DHX57: variants seen among roughly 807,000 people sequenced by gnomAD.
The protein encoded by DHX57 is DExH-box helicase 57.
DHX57 carries 105 observed loss-of-function variants against 156.2 expected under a neutral mutation model. The ratio of observed to expected loss-of-function variants is 0.67; its 90% CI spans 0.57 to 0.79. The LOEUF (loss-of-function observed/expected upper bound fraction) is 0.79. Among genes scored for constraint, DHX57 ranks in the 30% least tolerant of loss-of-function variants. The pLI, the probability that DHX57 is intolerant of heterozygous loss-of-function variation, is 0.00. For synonymous variants in DHX57, 704 were observed against 595.6 expected (o/e 1.18, Z -2.65); for missense variants, 1,847 against 1,661.9 (o/e 1.11, Z -1.94).
At chr2:38,852,934 T>C (rs1672680191) in intron 9 of DHX57, 1 of 154,042 alleles carries the variant, frequency 6.5e-6, no homozygotes, top group South Asian at 2.0e-4. Context: ...ACACAGCAGG[T>C]GCACTGGGCT....
chr2:38,804,345 C>A (rs868269423), intron 22 of DHX57, among the ~76,000 whole-genome samples: 10 of 152,154 alleles, frequency 6.6e-5, no homozygotes, highest in African/African-American at 2.4e-4. Context: ...CAAAAATTAG[C>A]TGGGAGCGAT....
At position 38,855,141 on chromosome 2, in the gene DHX57, G is replaced by T. The variant is rs1257293556; in HGVS notation, c.1821C>A (p.Ile607=). The T allele has an allele frequency of 6.2e-7, 1 of 1,614,112 alleles. No individual in the cohort carries two copies. Among genetic ancestry groups the T allele is most frequent in the Non-Finnish European group, 8.5e-7 (1 of 1,180,026 alleles). ...ICTQPRRISA[I]SVAERVAKER... is the part of the protein sequence containing the mutation. Reference sequence around the variant, plus strand: ...CTTTAGCAACGCGTTCAGCAACAGAGATTGCAGAGATTCGTCGGGGTTGGG... The same window carrying T: ...CTTTAGCAACGCGTTCAGCAACAGATATTGCAGAGATTCGTCGGGGTTGGG... Residue 607 remains isoleucine (I), a synonymous_variant, in exon 8 of 24, where the codon ATC becomes ATA. Coordinates refer to ENST00000457308, the MANE Select transcript of DHX57 (RefSeq NM_198963.3).
chr2:38,874,478 C>G (rs1292953610), intron 1 of DHX57, among the ~76,000 whole-genome samples: 1 of 143,094 alleles, frequency 7.0e-6, no homozygotes, highest in Non-Finnish European at 1.5e-5. Context: ...GGCGCAGTCT[C>G]AGCTCACTGC....
Position 38,813,822 on chromosome 2 carries a change from T to C in DHX57, c.3680A>G (p.Gln1227Arg). The C allele has an allele frequency of 6.2e-7, 1 of 1,613,574 alleles. No individual in the cohort carries two copies. The highest frequency in any genetic ancestry group is 1.3e-5 in the African/African-American group (1 of 75,064). ...LCAALYPNVVQVKSPEGKFQK... is the reference protein window; with the variant it reads ...LCAALYPNVVRVKSPEGKFQK... ...GATCTAGGAAAAATGTTTTGTTACC[T>C]GCACTACATTTGGATACAAAGCAGC... The change falls in exon 21 of 24, where the codon CAG becomes CGG. Residue 1227 changes from glutamine to arginine, a missense_variant and splice_region_variant. Coordinates refer to ENST00000457308, the MANE Select transcript of DHX57 (RefSeq NM_198963.3).
Position 38,827,126 on chromosome 2 carries a change from C to T in DHX57, c.2640-437G>A, listed in dbSNP as rs565453613. Reference sequence around the variant, plus strand: ...AGCTTGGGCGACAATAGTGAGACTCCGTCTCGAAAAATAAAATAAAATAAA... The same window carrying T: ...AGCTTGGGCGACAATAGTGAGACTCTGTCTCGAAAAATAAAATAAAATAAA... On this transcript the variant is annotated intron_variant, in intron 14 of 23. Coordinates refer to ENST00000457308, the MANE Select transcript of DHX57 (RefSeq NM_198963.3). 1.4e-4 allele frequency among the ~76,000 whole-genome samples: 20 copies of T among 141,648 alleles called. No homozygotes were observed. In the South Asian group the frequency reaches 2.6e-3, roughly 18 times the overall value. The allele number at this position is 141,648 out of a possible 152,430, so 92.9% of individuals were successfully genotyped here. A position where few individuals can be genotyped will look rare whatever the true frequency, so the allele number is the denominator to read the frequency against.
chr2:38,804,110 T>C (rs1206899753), intron 22 of DHX57, among the ~76,000 whole-genome samples: 1 of 152,186 alleles, frequency 6.6e-6, no homozygotes, highest in African/African-American at 2.4e-5. Flanking sequence ...CAGAAACCAC[T>C]GTGATGCCTT....
rs190971874 is a variant in DHX57, at chr2:38,852,441, G to A, written c.2030+1613C>T. ...TTTTCTTCTTCTCAAGATATTTATT[G>A]TGGTACAATACTTTGTGGGAAAACT... On this transcript the variant is annotated intron_variant, in intron 9 of 23. Coordinates refer to ENST00000457308, the MANE Select transcript of DHX57 (RefSeq NM_198963.3). 4.8e-3 allele frequency among the ~76,000 whole-genome samples: 692 copies of A among 142,746 alleles called. 8 individuals carry two copies. The highest frequency in any genetic ancestry group is 0.026 in the Middle Eastern group (7 of 270). 93.6% of individuals were successfully genotyped at this position (142,746 alleles called of 152,430 possible).
rs751449124 is a variant in DHX57, at chr2:38,823,200, T to C, written c.3084A>G (p.Pro1028=). 2 of 1,614,000 alleles carry C rather than the reference T, an allele frequency of 1.2e-6. No homozygotes were observed. Among genetic ancestry groups the C allele is most frequent in the African/African-American group, 1.3e-5 (1 of 74,874 alleles). Residue 1028 remains proline (P), a synonymous_variant, in exon 17 of 24, where the codon CCA becomes CCG. Transcript: ENST00000457308. The part of the protein sequence containing the change: ...QSVFSRLIEP[P]HTDSLRASKI... ...TTGAGGCACGAAGAGAATCGGTGTG[T>C]GGAGGTTCAATGAGCCGAGAGAACA...
chr2:38,871,017 G>C (rs890854471), intron 1 of DHX57, among the ~76,000 whole-genome samples: 1 of 151,996 alleles, frequency 6.6e-6, no homozygotes, highest in Non-Finnish European at 1.5e-5. Context: ...GTTGTCAATA[G>C]ACCCGCCTCA....
chr2:38,867,572 T>C (rs1216495407), intron 2 of DHX57, among the ~76,000 whole-genome samples: 1 of 152,140 alleles, frequency 6.6e-6, no homozygotes, highest in Non-Finnish European at 1.5e-5. Context: ...CAATGTTTGT[T>C]TTTTGAGATG....
Position 38,827,485 on chromosome 2 carries a change from C to CAAAA in DHX57, c.2640-800_2640-797dup, listed in dbSNP as rs1196817843. On this transcript the variant is annotated intron_variant, in intron 14 of 23. Transcript: ENST00000457308. The stretch of plus-strand genomic sequence containing the variant: ...TGGGCCACAGAGCGAGACTCTGTCT[C>CAAAA]AAAAAAAAAAAAAAAAAAAAATATA... 5.8e-3 allele frequency among the ~76,000 whole-genome samples: 49 copies of CAAAA among 8,452 alleles called. 11 individuals carry two copies. Among genetic ancestry groups the CAAAA allele is most frequent in the South Asian group, 0.05 (3 of 60 alleles). The allele number at this position is 8,452 out of a possible 152,430, so 5.5% of individuals were successfully genotyped here.
chr2:38,824,112 T>C (rs1670970601), intron 16 of DHX57, among the ~76,000 whole-genome samples: 1 of 152,140 alleles, frequency 6.6e-6, no homozygotes, highest in Non-Finnish European at 1.5e-5. Flanking sequence ...ACCTAAAAGT[T>C]CATTACAGAT....
At chr2:38,815,433 G>A in intron 20 of DHX57, 88 bp downstream of exon 20, 1 of 1,542,224 alleles carries the variant, frequency 6.5e-7, no homozygotes, top group South Asian at 1.2e-5. Flanking sequence ...AGGCTTAAGT[G>A]AAGAAGAATG....
At chr2:38,835,721 A>C (rs927935652) in intron 13 of DHX57, among the ~76,000 whole-genome samples, 2 of 152,256 alleles carry the variant, frequency 1.3e-5, no homozygotes, top group African/African-American at 4.8e-5. Context: ...GGATTACTTC[A>C]TTGAAGATGC....
chr2:38,806,549 C>T lies in DHX57; in HGVS notation c.3816+10G>A. 1 of 1,613,210 alleles carries T rather than the reference C, an allele frequency of 6.2e-7. No homozygotes were observed. Among genetic ancestry groups the T allele is most frequent in the Non-Finnish European group, 8.5e-7 (1 of 1,179,716 alleles). On this transcript the variant is annotated intron_variant, in intron 22 of 23. Transcript: ENST00000457308. ...ACCTGTAAACATTAAGTATACTCCACCATTCTGACCTGATAGTTCACTGAT... is the reference window on the plus strand; with the variant it reads ...ACCTGTAAACATTAAGTATACTCCATCATTCTGACCTGATAGTTCACTGAT...
chr2:38,857,138 T>C (rs1338375592), intron 6 of DHX57: 1 of 154,260 alleles, frequency 6.5e-6, no homozygotes, highest in Non-Finnish European at 1.5e-5. Context: ...ATGTGGCTAT[T>C]GAGCACCTGA....
rs1669751511 is a variant in DHX57, at chr2:38,802,806, C to T, written c.3926G>A (p.Gly1309Glu). ...AAGCTGCACATTCACTTGGCCTCCTCCAAACAAGACCAGCGGGTACACAGA... is the reference window on the plus strand; with the variant it reads ...AAGCTGCACATTCACTTGGCCTCCTTCAAACAAGACCAGCGGGTACACAGA... ...MVSVYPLVLF[G>E]GGQVNVQLQR... Residue 1309 changes from glycine to glutamate, a missense_variant, in exon 23 of 24, where the codon GGA (glycine) becomes GAA (glutamate). Transcript: ENST00000457308. 1 of 1,614,164 alleles carries T rather than the reference C, an allele frequency of 6.2e-7. No individual in the cohort carries two copies. Among genetic ancestry groups the T allele is most frequent in the Admixed American group, 1.7e-5 (1 of 60,014 alleles).
Position 38,855,076 on chromosome 2 carries a change from A to C in DHX57, c.1886T>G (p.Ile629Ser). ...ACAAACCTTGACACTTTCTAACCGA[A>C]TCTGGTATCCCACGGTCAGACCCAC... is the stretch of plus-strand genomic sequence containing the variant. ...ERVGLTVGYQ[I>S]RLESVKSSAT... Residue 629 changes from isoleucine (I) to serine (S), a missense_variant, in exon 8 of 24, where the codon ATT becomes AGT. By Grantham distance (142) the Ile-to-Ser change is moderately radical. Coordinates refer to ENST00000457308, the MANE Select transcript of DHX57 (RefSeq NM_198963.3). 1 of 1,614,102 alleles carries C rather than the reference A, an allele frequency of 6.2e-7. No homozygotes were observed.
At chr2:38,809,998 ATTC>A (rs1451818785) in intron 21 of DHX57, among the ~76,000 whole-genome samples, 34 of 151,758 alleles carry the variant, frequency 2.2e-4, no homozygotes, top group Admixed American at 2.2e-3. Context: ...GGCTCAAGCT[ATTC>A]TTCTGCCTCA....
Sources: gnomAD v4.1 joint callset for allele counts (sites outside exome capture counted in the v4.1 genomes callset) on GRCh38, gnomAD v4.1.1 for gene constraint, MANE v1.5 for transcripts, NCBI Gene and HGNC (gene_info 2026-07-23, HGNC 2026-07-21) for gene names.